TET3: variants seen among roughly 807,000 people sequenced by gnomAD.
TET3 encodes the protein methylcytosine dioxygenase TET3.
A neutral mutation model predicts 141.4 loss-of-function variants in TET3; 19 were observed. The ratio of observed to expected loss-of-function variants is 0.13; its 90% CI spans 0.09 to 0.20. The LOEUF (loss-of-function observed/expected upper bound fraction) is 0.20, where lower values mean the gene tolerates loss of function less well. Among genes scored for constraint, TET3 ranks in the 10% least tolerant of loss-of-function variants. The pLI, the probability that TET3 is intolerant of heterozygous loss-of-function variation, is 1.00. For synonymous variants in TET3, 1,043 were observed against 980.9 expected (o/e 1.06, Z -1.18); for missense variants, 1,874 against 2,356.9 (o/e 0.80, Z 4.24).
chr2:74,024,950 GT>G (rs1686249287), intron 3 of TET3, among the ~76,000 whole-genome samples: 2 of 152,004 alleles, frequency 1.3e-5, no homozygotes, highest in Admixed American at 1.3e-4. Context: ...AGGCGCCGTG[GT>G]GGTGGCTCAC....
At position 73,997,248 on chromosome 2, in the gene TET3, A is replaced by G. The variant is rs147233250; in HGVS notation, c.304-5862A>G. Among the ~76,000 whole-genome samples, 234 of 152,330 alleles carry G rather than the reference A, an allele frequency of 1.5e-3. 1 individual carries two copies. The highest frequency in any genetic ancestry group is 5.4e-3 in the African/African-American group (226 of 41,558). Reference sequence around the variant, plus strand: ...AGTACGGAGATGCTGGGTCAAAAAGAAGTAACAAAATATTAGACTAGAGTC... The same window carrying G: ...AGTACGGAGATGCTGGGTCAAAAAGGAGTAACAAAATATTAGACTAGAGTC... On this transcript the variant is annotated intron_variant, in intron 2 of 11. Coordinates refer to ENST00000409262, the MANE Select transcript of TET3 (RefSeq NM_001287491.2).
chr2:74,075,031 T>C (rs1177914348), intron 5 of TET3, among the ~76,000 whole-genome samples: 2 of 152,048 alleles, frequency 1.3e-5, no homozygotes, highest in African/African-American at 4.8e-5. Flanking sequence ...CCACCACGCC[T>C]GGCTAATTTT....
At chr2:74,122,511 A>ATATTTTTTTTT in the TET3 span, 5 of 47,556 alleles carry the variant, frequency 1.1e-4, no homozygotes, top group Admixed American at 3.2e-4. Context: ...ATATATATAT[A>ATATTTTTTTTT]TTTTTTTTTT....
chr2:74,069,029 T>C (rs1429096343), intron 4 of TET3, among the ~76,000 whole-genome samples: 1 of 152,174 alleles, frequency 6.6e-6, no homozygotes, highest in Non-Finnish European at 1.5e-5. Context: ...ATCAGGGTTT[T>C]ATTTATTTAT....
At chr2:73,992,515 T>C (rs904024567) in intron 2 of TET3, among the ~76,000 whole-genome samples, 1 of 152,130 alleles carries the variant, frequency 6.6e-6, no homozygotes, top group Non-Finnish European at 1.5e-5. Flanking sequence ...GGGTTCACCA[T>C]GTTCGCCAGG....
chr2:74,073,694 G>T, intron 5 of TET3, 55 bp downstream of exon 5: 1 of 1,394,766 alleles, frequency 7.2e-7, no homozygotes, highest in Non-Finnish European at 9.8e-7. Flanking sequence ...ATGGAATACG[G>T]ATATTAAGCG....
intron 3 of TET3, among the ~76,000 whole-genome samples, chr2:74,032,731 G>T (rs573469114): frequency 6.6e-6 from 1 of 152,162 alleles, no homozygotes; most frequent in Non-Finnish European, 1.5e-5. Context: ...AGATCAAGAG[G>T]CTAGGGGTGG....
intron 4 of TET3, among the ~76,000 whole-genome samples, chr2:74,053,029 T>C (rs551607307): frequency 5.0e-4 from 76 of 152,342 alleles, no homozygotes; most frequent in Non-Finnish European, 9.8e-4. Context: ...GGGACTCATA[T>C]GGATTTTTTT....
rs1235458873 is a variant in TET3 at position 74,093,018 on chromosome 2, C to A, written c.3129+27C>A. 6.5e-7 allele frequency: 1 copy of A among 1,542,692 alleles called. No individual in the cohort carries two copies. The highest frequency in any genetic ancestry group is 1.2e-5 in the South Asian group (1 of 83,976). On this transcript the variant is annotated intron_variant, in intron 9 of 11. Transcript: ENST00000409262. This position sits in a 1 kb window ranked among gnomAD's most constrained non-coding sequence, Gnocchi z 4.2. ...TAACGGGCCCTGGGCCTTTTGCTGC[C>A]CACATGTCACCGTCCACATCTCTGC...
rs1188620173 is a variant in TET3 at position 74,102,677 on chromosome 2, TCTGGCGAGCCAAGCCCCTCGGGCG to T, written c.*510_*533del. On this transcript the variant is annotated 3_prime_UTR_variant, in exon 12 of 12. Transcript: ENST00000409262. ...TGCTCCCCCGCCCAGTCTCGCTGGGTCTGGCGAGCCAAGCCCCTCGGGCGCTGGCGAGGTCCTCAGCCATCTGCC... is the reference window on the plus strand; with the variant it reads ...TGCTCCCCCGCCCAGTCTCGCTGGGTCTGGCGAGGTCCTCAGCCATCTGCC... The T allele has an allele frequency of 2.0e-5, 3 of 152,070 alleles. No individual in the cohort carries two copies. The highest frequency in any genetic ancestry group is 7.2e-5 in the African/African-American group (3 of 41,396). 9.4% of individuals were successfully genotyped at this position (152,070 alleles called of 1,614,324 possible).
At chr2:74,026,552 T>G (rs898003869) in intron 3 of TET3, among the ~76,000 whole-genome samples, 3 of 152,194 alleles carry the variant, frequency 2.0e-5, no homozygotes, top group Non-Finnish European at 2.9e-5. Context: ...TAATTGACTG[T>G]TAGGTTATCT....
intron 8 of TET3, among the ~76,000 whole-genome samples, chr2:74,091,258 T>G (rs1394186792): frequency 6.6e-6 from 1 of 152,206 alleles, no homozygotes; most frequent in Admixed American, 6.5e-5. Context: ...TACCAGGACC[T>G]AAGAACTACT....
Position 74,008,688 on chromosome 2 carries a change from A to G in TET3, c.360+5522A>G, listed in dbSNP as rs1477063488. On this transcript the variant is annotated intron_variant, in intron 3 of 11. Coordinates refer to ENST00000409262, the MANE Select transcript of TET3 (RefSeq NM_001287491.2). ...GATCTACGGCCTTTTTTGAGATGCT[A>G]AAGATTAGACAAAAAGTAAAAATGA... 2.6e-5 allele frequency among the ~76,000 whole-genome samples: 4 copies of G among 152,136 alleles called. No individual in the cohort carries two copies. The East Asian group carries it at 5.8e-4, about 22-fold the overall frequency.
At chr2:74,010,225 C>T (rs928295787) in intron 3 of TET3, among the ~76,000 whole-genome samples, 1 of 152,320 alleles carries the variant, frequency 6.6e-6, no homozygotes, top group Non-Finnish European at 1.5e-5. Flanking sequence ...AGCCAGAAAC[C>T]GGGGCTCCGT....
chr2:74,035,234 G>T (rs184763329), intron 3 of TET3, among the ~76,000 whole-genome samples: 1 of 148,190 alleles, frequency 6.7e-6, no homozygotes, highest in Admixed American at 6.8e-5. Flanking sequence ...TATTGGGGCC[G>T]GGCATGGTGG....
At chr2:74,089,748 A>C in intron 7 of TET3, 149 bp from the exon 8 acceptor site, 1 of 1,055,418 alleles carries the variant, frequency 9.5e-7, no homozygotes, top group Non-Finnish European at 1.4e-6. Flanking sequence ...AAACTTGAGA[A>C]AGGGGTTGGG....
At chr2:74,133,987 C>CG in the TET3 span, among the ~76,000 whole-genome samples, 1 of 152,242 alleles carries the variant, frequency 6.6e-6, no homozygotes, top group African/African-American at 2.4e-5. Context: ...TTGTGATCCC[C>CG]CCCCCTCGGC....
At chr2:74,030,871 G>A (rs1291105975) in intron 3 of TET3, among the ~76,000 whole-genome samples, 4 of 152,202 alleles carry the variant, frequency 2.6e-5, no homozygotes, top group African/African-American at 9.6e-5. Flanking sequence ...GGCAGGACTA[G>A]GGTTTGCTTG....
At position 74,105,579 on chromosome 2, in the gene TET3, C is replaced by G; in HGVS notation, c.*3403C>G. On this transcript the variant is annotated 3_prime_UTR_variant, in exon 12 of 12. Coordinates refer to ENST00000409262, the MANE Select transcript of TET3 (RefSeq NM_001287491.2). ...GGCTTCATGGGTACTGCTTTGCCTTCTCACCAAGGTGACGATGGTGTGCGT... is the reference window on the plus strand; with the variant it reads ...GGCTTCATGGGTACTGCTTTGCCTTGTCACCAAGGTGACGATGGTGTGCGT... The G allele has an allele frequency of 2.5e-6, 1 of 395,912 alleles. No individual in the cohort carries two copies. The highest frequency in any genetic ancestry group is 4.5e-6 in the Non-Finnish European group (1 of 224,018). 24.5% of individuals were successfully genotyped at this position (395,912 alleles called of 1,614,324 possible). A position where few individuals can be genotyped will look rare whatever the true frequency, so the allele number is the denominator to read the frequency against.
Sources: gnomAD v4.1 joint callset for allele counts (sites outside exome capture counted in the v4.1 genomes callset) on GRCh38, gnomAD v4.1.1 for gene constraint, Gnocchi (gnomAD v3.1) non-coding constraint, MANE v1.5 for transcripts, NCBI Gene and HGNC (gene_info 2026-07-23, HGNC 2026-07-21) for gene names.